DNAJC24: variants seen among roughly 807,000 people sequenced by gnomAD.
DNAJC24 encodes the protein dnaJ homolog subfamily C member 24.
Under a neutral mutation model 18.0 loss-of-function variants are expected in DNAJC24, and 17 were observed. That is an observed-to-expected ratio of 0.94 (90% CI 0.65 to 1.42). The LOEUF is 1.42. DNAJC24 is among the 40% of genes most tolerant of loss of function. The pLI is 0.00. For missense variants in DNAJC24, 158 were observed against 175.6 expected (o/e 0.90, Z 0.57); for synonymous variants, 55 against 57.7 (o/e 0.95, Z 0.21).
intron 2 of DNAJC24, among the ~76,000 whole-genome samples, chr11:31,405,257 G>T (rs1002447653): frequency 1.3e-5 from 2 of 151,342 alleles, no homozygotes; most frequent in African/African-American, 2.4e-5. Context: ...TTTAGTAGAG[G>T]TGGGGTTTCT....
At chr11:31,421,995 C>T (rs1236511686) in intron 3 of DNAJC24, 1 of 440,852 alleles carries the variant, frequency 2.3e-6, no homozygotes. Context: ...TCTGATGAGT[C>T]CTGCCAGTGT....
chr11:31,420,839 G>A (rs565053241), intron 3 of DNAJC24, among the ~76,000 whole-genome samples: 6 of 152,110 alleles, frequency 3.9e-5, no homozygotes, highest in Non-Finnish European at 5.9e-5. Context: ...AGTCACGTAC[G>A]AGGGATATTT....
intron 2 of DNAJC24, among the ~76,000 whole-genome samples, chr11:31,404,946 G>A (rs1158068191): frequency 6.6e-6 from 1 of 151,738 alleles, no homozygotes; most frequent in African/African-American, 2.4e-5. Context: ...CTGAGATTCT[G>A]ATCTCTTGTT....
intron 2 of DNAJC24, among the ~76,000 whole-genome samples, chr11:31,388,694 C>T (rs1165221081): frequency 2.6e-5 from 4 of 152,020 alleles, no homozygotes; most frequent in East Asian, 3.9e-4. Flanking sequence ...TCACCGTTAA[C>T]GATAAGTACA....
intron 2 of DNAJC24, among the ~76,000 whole-genome samples, chr11:31,371,445 T>A (rs1192792901): frequency 6.6e-6 from 1 of 152,236 alleles, no homozygotes; most frequent in Non-Finnish European, 1.5e-5. Flanking sequence ...AATTTTCATA[T>A]CTAGCATTTC....
rs544223384 is a variant in DNAJC24 at position 31,404,357 on chromosome 11, C to T, written c.112-10454C>T. Among the ~76,000 whole-genome samples the T allele has an allele frequency of 3.3e-5, 5 of 152,322 alleles. No individual in the cohort carries two copies. The East Asian group carries it at 7.7e-4, about 24-fold the overall frequency. On this transcript the variant is annotated intron_variant, in intron 2 of 4. Transcript: ENST00000465995. ...GGAACCAAACATTTTGTGACTTTAACTTCCTTGGCTATTATTTTAAGCTGT... is the reference window on the plus strand; with the variant it reads ...GGAACCAAACATTTTGTGACTTTAATTTCCTTGGCTATTATTTTAAGCTGT...
intron 2 of DNAJC24, among the ~76,000 whole-genome samples, chr11:31,392,265 G>A (rs1952504276): frequency 6.6e-6 from 1 of 152,118 alleles, no homozygotes; most frequent in Non-Finnish European, 1.5e-5. Context: ...TGGATTGTTT[G>A]TAACATAAAG....
intron 4 of DNAJC24, among the ~76,000 whole-genome samples, chr11:31,429,143 A>G (rs1330383113): frequency 2.6e-5 from 4 of 151,850 alleles, no homozygotes; most frequent in Non-Finnish European, 5.9e-5. Context: ...AGATTAAATT[A>G]TTTTTCTGTA....
chr11:31,408,928 ACT>A (rs1189300490), intron 2 of DNAJC24, among the ~76,000 whole-genome samples: 1 of 152,092 alleles, frequency 6.6e-6, no homozygotes, highest in Non-Finnish European at 1.5e-5. Context: ...AGATACTATC[ACT>A]CTCAGTATTT....
chr11:31,378,438 A>G (rs905107865), intron 2 of DNAJC24, among the ~76,000 whole-genome samples: 1 of 152,232 alleles, frequency 6.6e-6, no homozygotes, highest in Non-Finnish European at 1.5e-5. Context: ...TTTAGCTAAC[A>G]TGTAGCACTG....
chr11:31,387,068 A>C (rs1165725647), intron 2 of DNAJC24, among the ~76,000 whole-genome samples: 2 of 152,202 alleles, frequency 1.3e-5, no homozygotes, highest in Admixed American at 1.3e-4. Context: ...CTTGGGTGCC[A>C]GCTCAGCTAC....
chr11:31,387,791 C>T (rs981987234), intron 2 of DNAJC24, among the ~76,000 whole-genome samples: 1 of 151,958 alleles, frequency 6.6e-6, no homozygotes, highest in Non-Finnish European at 1.5e-5. Flanking sequence ...TGGCCAATGC[C>T]AAAGAGATAG....
chr11:31,374,244 T>C, intron 2 of DNAJC24: 1 of 207,606 alleles, frequency 4.8e-6, no homozygotes, highest in Non-Finnish European at 1.1e-5. Context: ...AAAGATGCCC[T>C]TTATCAGCTT....
intron 3 of DNAJC24, among the ~76,000 whole-genome samples, chr11:31,426,073 C>T (rs1258243220): frequency 6.6e-6 from 1 of 152,084 alleles, no homozygotes; most frequent in African/African-American, 2.4e-5. Flanking sequence ...TTGATTTTGA[C>T]AAAAAATTTA....
rs1343384650 is a variant in DNAJC24 at position 31,431,520 on chromosome 11, A to C, written c.*1119A>C. The stretch of plus-strand genomic sequence containing the variant: ...TCCCCTTTTATTTTGGAGTGTTGAT[A>C]TAATATTGGGGCCAGGCATGGTGGC... On this transcript the variant is annotated 3_prime_UTR_variant, in exon 5 of 5. Coordinates refer to ENST00000465995, the MANE Select transcript of DNAJC24 (RefSeq NM_181706.5). The C allele has an allele frequency of 6.7e-6, 1 of 149,580 alleles. No homozygotes were observed. The highest frequency in any genetic ancestry group is 2.4e-5 in the African/African-American group (1 of 40,908). 9.3% of individuals were successfully genotyped at this position (149,580 alleles called of 1,614,324 possible).
intron 3 of DNAJC24, among the ~76,000 whole-genome samples, chr11:31,423,138 A>C (rs1359417789): frequency 6.6e-6 from 1 of 152,180 alleles, no homozygotes; most frequent in African/African-American, 2.4e-5. Context: ...TAAGAGTCTC[A>C]ACACACTACC....
At chr11:31,379,409 C>G (rs757646505) in intron 2 of DNAJC24, among the ~76,000 whole-genome samples, 7 of 152,194 alleles carry the variant, frequency 4.6e-5, no homozygotes, top group Non-Finnish European at 1.0e-4. Context: ...CCTACACCCC[C>G]ATCCATGGAA....
chr11:31,401,682 C>T lies in DNAJC24; in HGVS notation c.112-13129C>T, dbSNP rs537416880. Among the ~76,000 whole-genome samples, 7 of 152,232 alleles carry T rather than the reference C, an allele frequency of 4.6e-5. No individual in the cohort carries two copies. In the South Asian group the frequency reaches 1.2e-3, roughly 27 times the overall value. On this transcript the variant is annotated intron_variant, in intron 2 of 4. Coordinates refer to ENST00000465995, the MANE Select transcript of DNAJC24 (RefSeq NM_181706.5). ...AAGTTTTAAAAATATGTTCAGAAGACCAAGAGGTCTGTTTAAAAATATTAA... is the reference window on the plus strand; with the variant it reads ...AAGTTTTAAAAATATGTTCAGAAGATCAAGAGGTCTGTTTAAAAATATTAA...
At chr11:31,380,622 T>G (rs899482848) in intron 2 of DNAJC24, among the ~76,000 whole-genome samples, 1 of 152,172 alleles carries the variant, frequency 6.6e-6, no homozygotes, top group Non-Finnish European at 1.5e-5. Flanking sequence ...TTTATTATGT[T>G]TCTTATTAGG....
Sources: gnomAD v4.1 joint callset for allele counts (sites outside exome capture counted in the v4.1 genomes callset) on GRCh38, gnomAD v4.1.1 for gene constraint, MANE v1.5 for transcripts, NCBI Gene and HGNC (gene_info 2026-07-23, HGNC 2026-07-21) for gene names.